Variants in RBFOX1 observed in about 807,000 individuals in gnomAD.
RBFOX1 encodes the protein RNA binding fox-1 homolog 1.
RBFOX1 carries 8 observed loss-of-function variants against 57.7 expected under a neutral mutation model. That is an observed-to-expected ratio of 0.14 (90% CI 0.08 to 0.25). The LOEUF (loss-of-function observed/expected upper bound fraction) is 0.25. Among genes scored for constraint, RBFOX1 ranks in the 10% least tolerant of loss-of-function variants. The probability of loss-of-function intolerance (pLI) is 1.00; values close to 1 mark genes in which losing one functional copy is unlikely to be tolerated. For synonymous variants in RBFOX1, 326 were observed against 222.4 expected (o/e 1.47, Z -4.15); for missense variants, 611 against 548.5 (o/e 1.11, Z -1.14).
intron 4 of RBFOX1, among the ~76,000 whole-genome samples, chr16:5,871,104 C>G (rs1597580504): frequency 6.6e-6 from 1 of 152,216 alleles, no homozygotes; most frequent in South Asian, 2.1e-4. Context: ...AATAAATTTT[C>G]ATGGCATATG....
intron 1 of RBFOX1, among the ~76,000 whole-genome samples, chr16:5,240,612 C>G (rs1567225111): frequency 6.6e-6 from 1 of 152,198 alleles, no homozygotes; most frequent in Non-Finnish European, 1.5e-5. Context: ...TCTTCCCTTT[C>G]TGGTTGGGCA....
chr16:6,362,732 G>A (rs562879078), intron 2 of RBFOX1, among the ~76,000 whole-genome samples: 4 of 152,356 alleles, frequency 2.6e-5, no homozygotes, highest in Admixed American at 2.6e-4. Context: ...ATTGATGCCT[G>A]TGCAGTGGCC....
chr16:6,575,052 A>AC (rs1567737369), intron 2 of RBFOX1, among the ~76,000 whole-genome samples: 1 of 150,740 alleles, frequency 6.6e-6, no homozygotes, highest in African/African-American at 2.4e-5. Flanking sequence ...AAAAAAAAAA[A>AC]AAAAAAAAAA....
rs572207731 is a variant in RBFOX1, at chr16:6,032,115, G to GT, written c.-127+12128dup. 1.7e-4 allele frequency among the ~76,000 whole-genome samples: 26 copies of GT among 152,042 alleles called. No individual in the cohort carries two copies. The East Asian group carries it at 4.9e-3, about 28-fold the overall frequency. On this transcript the variant is annotated intron_variant, in intron 1 of 15. Coordinates refer to ENST00000550418, the MANE Select transcript of RBFOX1 (RefSeq NM_018723.4). ...CCTTAGCCTCTTTCTTAAAGGTTCT[G>GT]TTTTTAGACATCCTCCTCTTTTATC... is the stretch of plus-strand genomic sequence containing the variant.
chr16:5,362,697 TC>T (rs1296916426), intron 1 of RBFOX1, among the ~76,000 whole-genome samples: 2 of 151,946 alleles, frequency 1.3e-5, no homozygotes, highest in Admixed American at 6.6e-5. Context: ...GAATAGCAAC[TC>T]CCCACCCTCT....
chr16:7,349,201 C>A, intron 4 of RBFOX1, among the ~76,000 whole-genome samples: 1 of 152,148 alleles, frequency 6.6e-6, no homozygotes, highest in East Asian at 1.9e-4. Context: ...GGTTAAAAAT[C>A]AGGCGGCTCA....
intron 4 of RBFOX1, among the ~76,000 whole-genome samples, chr16:5,993,451 C>G (rs1203280973): frequency 6.6e-6 from 1 of 150,738 alleles, no homozygotes; most frequent in East Asian, 2.0e-4. Flanking sequence ...GACTTTCAAG[C>G]CTGTTTTGTA....
At chr16:5,977,983 G>T (rs559289972) in intron 4 of RBFOX1, among the ~76,000 whole-genome samples, 20 of 151,958 alleles carry the variant, frequency 1.3e-4, no homozygotes, top group African/African-American at 3.6e-4. Flanking sequence ...CTTTGTGTGT[G>T]TTCTTCCTCT....
chr16:6,546,677 C>G (rs9929087), intron 2 of RBFOX1, among the ~76,000 whole-genome samples: 17,119 of 152,164 alleles, frequency 0.11, 1,595 homozygotes, highest in East Asian at 0.38. Context: ...TGATTCCTTT[C>G]TGTAGATTCT....
At chr16:7,656,143 A>C (rs923941816) in intron 12 of RBFOX1, among the ~76,000 whole-genome samples, 3 of 152,198 alleles carry the variant, frequency 2.0e-5, no homozygotes, top group African/African-American at 7.2e-5. Flanking sequence ...AGCAAGATCA[A>C]ATTCTCAGCA....
chr16:6,012,552 T>C (rs1424125), intron 4 of RBFOX1, among the ~76,000 whole-genome samples: 106,595 of 152,124 alleles, frequency 0.7, 38,445 homozygotes, highest in East Asian at 0.87. Context: ...AAAGGGTTAT[T>C]TGGCTCAAAA....
intron 11 of RBFOX1, among the ~76,000 whole-genome samples, chr16:7,653,496 TC>T (rs1439953502): frequency 7.9e-5 from 12 of 152,066 alleles, no homozygotes; most frequent in African/African-American, 2.9e-4. Flanking sequence ...ACAGAGCCAG[TC>T]CCTGTCTCAA....
At chr16:7,446,041 C>T (rs902513163) in intron 4 of RBFOX1, among the ~76,000 whole-genome samples, 1 of 152,184 alleles carries the variant, frequency 6.6e-6, no homozygotes, top group African/African-American at 2.4e-5. Flanking sequence ...GGTCTTGCTA[C>T]AGCCGCTTTG....
intron 15 of RBFOX1, chr16:7,709,944 G>C (rs2083687690): frequency 5.9e-6 from 6 of 1,021,456 alleles, no homozygotes; most frequent in Non-Finnish European, 7.0e-6. Context: ...CCCTAAAAAT[G>C]AATCCCCATA....
At chr16:6,006,322 C>A (rs536172494) in intron 4 of RBFOX1, among the ~76,000 whole-genome samples, 1 of 152,122 alleles carries the variant, frequency 6.6e-6, no homozygotes, top group African/African-American at 2.4e-5. Context: ...GTATGTGATC[C>A]CATCTGGACC....
intron 3 of RBFOX1, among the ~76,000 whole-genome samples, chr16:5,774,285 T>C (rs1331655048): frequency 6.6e-6 from 1 of 152,224 alleles, no homozygotes; most frequent in Non-Finnish European, 1.5e-5. Flanking sequence ...ACATTCCTTT[T>C]CTGTTTCTGG....
chr16:7,264,452 C>G (rs1265918654), intron 4 of RBFOX1, among the ~76,000 whole-genome samples: 2 of 152,172 alleles, frequency 1.3e-5, no homozygotes, highest in Admixed American at 1.3e-4. Context: ...CTCAAACTCA[C>G]AAAGCTAAGT....
chr16:6,664,203 A>C (rs2098718413), intron 3 of RBFOX1, among the ~76,000 whole-genome samples: 2 of 151,574 alleles, frequency 1.3e-5, no homozygotes, highest in South Asian at 4.1e-4. Context: ...TAACACCAGC[A>C]AAGCTTTTTG....
At chr16:6,808,061 A>C (rs531873184) in intron 3 of RBFOX1, among the ~76,000 whole-genome samples, 1 of 150,780 alleles carries the variant, frequency 6.6e-6, no homozygotes, top group Non-Finnish European at 1.5e-5. Flanking sequence ...CCTATACAAT[A>C]GAACTATATA....
Sources: gnomAD v4.1 joint callset for allele counts (sites outside exome capture counted in the v4.1 genomes callset) on GRCh38, gnomAD v4.1.1 for gene constraint, MANE v1.5 for transcripts, NCBI Gene and HGNC (gene_info 2026-07-23, HGNC 2026-07-21) for gene names.